Variants in DYNC1I1 observed in about 807,000 individuals in gnomAD.
The protein encoded by DYNC1I1 is dynein cytoplasmic 1 intermediate chain 1.
Under a neutral mutation model 86.6 loss-of-function variants are expected in DYNC1I1, and 43 were observed. That is an observed-to-expected ratio of 0.50 (90% CI 0.39 to 0.64). The LOEUF is 0.64. DYNC1I1 is among the 30% of genes least tolerant of loss of function. The probability of loss-of-function intolerance (pLI) is 0.00; values close to 1 mark genes in which losing one functional copy is unlikely to be tolerated. For missense variants in DYNC1I1, 604 were observed against 788.8 expected, an observed-to-expected ratio of 0.77 and a Z score of 2.81; for synonymous variants, 262 against 283.7, an observed-to-expected ratio of 0.92 and a Z score of 0.77.
At chr7:95,798,180 T>C (rs1278346036) in intron 1 of DYNC1I1, among the ~76,000 whole-genome samples, 1 of 152,252 alleles carries the variant, frequency 6.6e-6, no homozygotes, top group Non-Finnish European at 1.5e-5. Context: ...ACTGCTCTTC[T>C]GTGGTATTAG....
At chr7:95,947,853 G>C (rs1792444919) in intron 6 of DYNC1I1, among the ~76,000 whole-genome samples, 1 of 152,178 alleles carries the variant, frequency 6.6e-6, no homozygotes, top group Non-Finnish European at 1.5e-5. Flanking sequence ...TTATGTGGCT[G>C]AGAAGCTTTC....
intron 7 of DYNC1I1, among the ~76,000 whole-genome samples, chr7:95,980,842 T>C (rs1793441355): frequency 6.6e-6 from 1 of 152,148 alleles, no homozygotes; most frequent in African/African-American, 2.4e-5. Flanking sequence ...CTAACATTTT[T>C]GTAAATACAA....
chr7:95,883,226 T>C (rs1388696871), intron 6 of DYNC1I1, among the ~76,000 whole-genome samples: 1 of 152,206 alleles, frequency 6.6e-6, no homozygotes, highest in African/African-American at 2.4e-5. Context: ...TCACAATTGC[T>C]CATTTGTGAA....
chr7:95,839,719 G>A (rs879715149), intron 5 of DYNC1I1, among the ~76,000 whole-genome samples: 1 of 152,116 alleles, frequency 6.6e-6, no homozygotes, highest in Admixed American at 6.5e-5. Context: ...TCAAGTTGAA[G>A]AACTTTCTTT....
intron 6 of DYNC1I1, among the ~76,000 whole-genome samples, chr7:95,876,735 G>A (rs1790318188): frequency 6.6e-6 from 1 of 152,044 alleles, no homozygotes; most frequent in African/African-American, 2.4e-5. Context: ...TTAATTCCCT[G>A]GAGAGTAACA....
At chr7:95,864,884 A>G (rs1789978296) in intron 5 of DYNC1I1, among the ~76,000 whole-genome samples, 1 of 151,930 alleles carries the variant, frequency 6.6e-6, no homozygotes, top group African/African-American at 2.4e-5. Flanking sequence ...TGCCTAAACA[A>G]TGAAGTTTTC....
chr7:95,991,976 C>T (rs544243252), intron 9 of DYNC1I1, among the ~76,000 whole-genome samples: 1 of 152,220 alleles, frequency 6.6e-6, no homozygotes, highest in South Asian at 2.1e-4. Flanking sequence ...TCTCGTGCCT[C>T]CCCATCCCGA....
In DYNC1I1 at chr7:95,869,941, G is replaced by T; in HGVS notation, c.433G>T (p.Glu145Ter). The stretch of plus-strand genomic sequence containing the variant: ...CACCCAAGTGGATTTCCTGCCAAGG[G>T]AAGTAGTGTCCTACTCAAAGGAGAC... ...KVTQVDFLPR[E>*]VVSYSKETQT... The change falls in exon 6 of 17, where the codon GAA (glutamate) becomes TAA (stop). Residue 145 changes from glutamate (E) to a stop codon, truncating the protein, a stop_gained. Transcript: ENST00000447467. LOFTEE classifies it high-confidence loss of function. The T allele has an allele frequency of 6.2e-7, 1 of 1,614,028 alleles. No homozygotes were observed. The highest frequency in any genetic ancestry group is 8.5e-7 in the Non-Finnish European group (1 of 1,179,924).
intron 6 of DYNC1I1, among the ~76,000 whole-genome samples, chr7:95,900,011 T>A (rs1790995189): frequency 6.6e-6 from 1 of 152,134 alleles, no homozygotes; most frequent in Non-Finnish European, 1.5e-5. Context: ...CAAGGAGGTA[T>A]CTGTTCCATG....
intron 5 of DYNC1I1, among the ~76,000 whole-genome samples, chr7:95,849,853 T>C (rs1427844955): frequency 2.0e-5 from 3 of 152,208 alleles, no homozygotes; most frequent in Non-Finnish European, 4.4e-5. Context: ...TCCATAAGCA[T>C]GGAATATCTA....
At chr7:96,010,902 A>G (rs2115846805) in intron 10 of DYNC1I1, among the ~76,000 whole-genome samples, 2 of 152,346 alleles carry the variant, frequency 1.3e-5, no homozygotes, top group South Asian at 4.1e-4. Context: ...GTATTTTAAA[A>G]TAGTCTTCCA....
rs373288148 is a variant in DYNC1I1, at chr7:96,002,934, C to T, written c.969+6861C>T. Among the ~76,000 whole-genome samples, 5 of 152,138 alleles carry T rather than the reference C, an allele frequency of 3.3e-5. No individual in the cohort carries two copies. In the East Asian group the frequency reaches 5.8e-4, roughly 18 times the overall value. Reference sequence around the variant, plus strand: ...TCTCAGCTCACTGCAACCTCAGACTCCCAGGTTCAAGCGATTCTCCTGCCT... The same window carrying T: ...TCTCAGCTCACTGCAACCTCAGACTTCCAGGTTCAAGCGATTCTCCTGCCT... On this transcript the variant is annotated intron_variant, in intron 10 of 16. Transcript: ENST00000447467.
At chr7:95,792,389 C>G (rs898830639) in intron 1 of DYNC1I1, among the ~76,000 whole-genome samples, 1 of 152,152 alleles carries the variant, frequency 6.6e-6, no homozygotes, top group Non-Finnish European at 1.5e-5. Context: ...CGTCCCCTCC[C>G]CTTCTCTGAA....
intron 14 of DYNC1I1, among the ~76,000 whole-genome samples, chr7:96,065,634 C>T (rs943161190): frequency 1.3e-5 from 2 of 152,094 alleles, no homozygotes; most frequent in African/African-American, 2.4e-5. Flanking sequence ...GCAATTTGCC[C>T]GCCTTGGTCT....
At chr7:95,900,999 G>C (rs1448251739) in intron 6 of DYNC1I1, among the ~76,000 whole-genome samples, 1 of 152,150 alleles carries the variant, frequency 6.6e-6, no homozygotes, top group Non-Finnish European at 1.5e-5. Context: ...TGGATATAGA[G>C]GAGGAAGAAA....
At chr7:96,080,761 A>T (rs1000862261) in intron 16 of DYNC1I1, among the ~76,000 whole-genome samples, 2 of 152,076 alleles carry the variant, frequency 1.3e-5, no homozygotes, top group African/African-American at 4.8e-5. Context: ...GGCACTTCCC[A>T]CTAATTTCAT....
chr7:95,946,605 G>C (rs986852), intron 6 of DYNC1I1, among the ~76,000 whole-genome samples: 2 of 152,086 alleles, frequency 1.3e-5, no homozygotes, highest in African/African-American at 4.8e-5. Flanking sequence ...TTGAGTATGA[G>C]GGCACCATTT....
chr7:95,905,199 C>T (rs1272065051), intron 6 of DYNC1I1, among the ~76,000 whole-genome samples: 1 of 150,966 alleles, frequency 6.6e-6, no homozygotes, highest in Non-Finnish European at 1.5e-5. Flanking sequence ...TAAACCATGA[C>T]AGGCAACAGA....
At chr7:96,053,961 A>G (rs780542524) in intron 14 of DYNC1I1, among the ~76,000 whole-genome samples, 5 of 152,154 alleles carry the variant, frequency 3.3e-5, no homozygotes, top group Admixed American at 6.6e-5. Flanking sequence ...GTGGAAAAAT[A>G]TAATTAATTT....
Sources: gnomAD v4.1 joint callset for allele counts (sites outside exome capture counted in the v4.1 genomes callset) on GRCh38, gnomAD v4.1.1 for gene constraint, MANE v1.5 for transcripts, NCBI Gene and HGNC (gene_info 2026-07-23, HGNC 2026-07-21) for gene names.